The following SLC10A7 variants were observed in gnomAD, a reference collection of about 807,000 sequenced individuals.
SLC10A7 encodes sodium/bile acid cotransporter 7.
Under a neutral mutation model 43.2 loss-of-function variants are expected in SLC10A7, and 29 were observed. The observed-to-expected ratio is 0.67, with a 90% CI of 0.50 to 0.92. The LOEUF (loss-of-function observed/expected upper bound fraction) is 0.92. Ranked by LOEUF, SLC10A7 falls within the 40% of genes least tolerant of loss-of-function variation. SLC10A7 has a pLI of 0.00. For missense variants in SLC10A7, 295 were observed against 403.2 expected (o/e 0.73, Z 2.30); for synonymous variants, 152 against 144.8 (o/e 1.05, Z -0.35).
intron 7 of SLC10A7, among the ~76,000 whole-genome samples, chr4:146,301,878 G>A (rs1274488311): frequency 1.3e-5 from 2 of 151,134 alleles, no homozygotes; most frequent in Non-Finnish European, 2.9e-5. Context: ...TCAAAGAACT[G>A]TGGTATCTAG....
chr4:146,497,384 G>A (rs1346783374), intron 4 of SLC10A7, among the ~76,000 whole-genome samples: 1 of 152,034 alleles, frequency 6.6e-6, no homozygotes, highest in Admixed American at 6.6e-5. Context: ...TTTCTAACTT[G>A]CCCTGACTTT....
intron 9 of SLC10A7, among the ~76,000 whole-genome samples, chr4:146,288,281 T>C (rs1578794585): frequency 6.6e-6 from 1 of 152,224 alleles, no homozygotes; most frequent in East Asian, 1.9e-4. Context: ...GATGCTCACT[T>C]AACCCTCTCT....
At chr4:146,310,131 T>C (rs1400829104) in intron 6 of SLC10A7, among the ~76,000 whole-genome samples, 1 of 152,156 alleles carries the variant, frequency 6.6e-6, no homozygotes, top group Non-Finnish European at 1.5e-5. Flanking sequence ...TGTTTCCATG[T>C]TGCTGCAAAG....
chr4:146,274,200 CTTTTT>C (rs35963098), intron 10 of SLC10A7, among the ~76,000 whole-genome samples: 3 of 118,536 alleles, frequency 2.5e-5, no homozygotes, highest in Non-Finnish European at 3.5e-5. Context: ...TCAGATTATA[CTTTTT>C]TTTTTTTTTT....
chr4:146,340,523 A>G (rs761010656), intron 5 of SLC10A7, among the ~76,000 whole-genome samples: 12 of 147,040 alleles, frequency 8.2e-5, no homozygotes, highest in Admixed American at 1.3e-4. Flanking sequence ...GTGTGTGTGT[A>G]TATATATATA....
chr4:146,378,539 C>T (rs1462061290), intron 5 of SLC10A7, among the ~76,000 whole-genome samples: 2 of 152,070 alleles, frequency 1.3e-5, no homozygotes, highest in Non-Finnish European at 2.9e-5. Context: ...TAAATTATGC[C>T]ATAATGCTCA....
intron 4 of SLC10A7, among the ~76,000 whole-genome samples, chr4:146,490,790 T>C (rs533788629): frequency 6.6e-6 from 1 of 152,196 alleles, no homozygotes; most frequent in African/African-American, 2.4e-5. Flanking sequence ...TCTAGTACAG[T>C]AAATACATGA....
chr4:146,495,011 G>A (rs1735764433), intron 4 of SLC10A7, among the ~76,000 whole-genome samples: 1 of 152,140 alleles, frequency 6.6e-6, no homozygotes, highest in African/African-American at 2.4e-5. Context: ...TAAGACTGAA[G>A]CTAAAAGGTA....
At chr4:146,455,758 T>C (rs1292949042) in intron 4 of SLC10A7, among the ~76,000 whole-genome samples, 2 of 151,990 alleles carry the variant, frequency 1.3e-5, no homozygotes, top group Admixed American at 6.6e-5. Context: ...CTGTTCTTTA[T>C]GTCTTCAGGA....
intron 6 of SLC10A7, among the ~76,000 whole-genome samples, chr4:146,313,930 T>G (rs1732151688): frequency 6.6e-6 from 1 of 152,200 alleles, no homozygotes; most frequent in Admixed American, 6.5e-5. Flanking sequence ...CTGCTTCTTT[T>G]TCCTCTTACC....
At chr4:146,508,763 C>T (rs1484716920) in intron 3 of SLC10A7, among the ~76,000 whole-genome samples, 1 of 152,210 alleles carries the variant, frequency 6.6e-6, no homozygotes, top group African/African-American at 2.4e-5. Flanking sequence ...CTCTTCTACA[C>T]ATAGCTATCA....
rs1305012497 is a variant in SLC10A7, at chr4:146,255,529, G to C, written c.*962C>G. On this transcript the variant is annotated 3_prime_UTR_variant, in exon 12 of 12. Coordinates refer to ENST00000335472, the MANE Select transcript of SLC10A7 (RefSeq NM_001029998.6). ...AAATTGTCTCAAATACCTTAAGTGT[G>C]CTTAATTCCAGGATGTAACAGGCTG... The C allele has an allele frequency of 1.3e-5, 2 of 152,508 alleles. No individual in the cohort carries two copies. Among genetic ancestry groups the C allele is most frequent in the Admixed American group, 6.5e-5 (1 of 15,278 alleles). The allele number at this position is 152,508 out of a possible 1,614,324, so 9.4% of individuals were successfully genotyped here.
At chr4:146,520,577 G>A (rs548953165) in intron 1 of SLC10A7, among the ~76,000 whole-genome samples, 1 of 152,290 alleles carries the variant, frequency 6.6e-6, no homozygotes, top group Admixed American at 6.5e-5. Context: ...GACCACTGCT[G>A]TTCTCCTAAG....
At chr4:146,267,001 C>T (rs1037445186) in intron 10 of SLC10A7, among the ~76,000 whole-genome samples, 4 of 152,124 alleles carry the variant, frequency 2.6e-5, no homozygotes, top group Admixed American at 2.6e-4. Context: ...AAATTCCTGG[C>T]CCTCATGGGA....
chr4:146,269,841 T>C (rs1353961926), intron 10 of SLC10A7, among the ~76,000 whole-genome samples: 1 of 152,206 alleles, frequency 6.6e-6, no homozygotes, highest in Non-Finnish European at 1.5e-5. Flanking sequence ...CTTTAGACAC[T>C]GGAACTTTCA....
intron 10 of SLC10A7, among the ~76,000 whole-genome samples, chr4:146,281,317 C>G (rs1729535405): frequency 6.7e-6 from 1 of 148,664 alleles, no homozygotes; most frequent in Non-Finnish European, 1.5e-5. Flanking sequence ...TAGCACAGAA[C>G]AGAGAAACAG....
intron 5 of SLC10A7, among the ~76,000 whole-genome samples, chr4:146,359,153 C>A (rs565141893): frequency 6.6e-6 from 1 of 152,180 alleles, no homozygotes; most frequent in African/African-American, 2.4e-5. Flanking sequence ...TTTTAATATG[C>A]TTATTGGAGA....
chr4:146,513,290 C>T (rs1204444805), intron 2 of SLC10A7, among the ~76,000 whole-genome samples: 1 of 151,594 alleles, frequency 6.6e-6, no homozygotes, highest in African/African-American at 2.4e-5. Context: ...TAAAAGTATA[C>T]AATGTTACAT....
chr4:146,405,134 T>C (rs1009156928), intron 5 of SLC10A7, among the ~76,000 whole-genome samples: 3 of 152,200 alleles, frequency 2.0e-5, no homozygotes, highest in South Asian at 2.1e-4. Context: ...CCAAAGCCTT[T>C]TAAAATCAGT....
Sources: gnomAD v4.1 joint callset for allele counts (sites outside exome capture counted in the v4.1 genomes callset) on GRCh38, gnomAD v4.1.1 for gene constraint, MANE v1.5 for transcripts, NCBI Gene and HGNC (gene_info 2026-07-23, HGNC 2026-07-21) for gene names.